The following DET1 variants were observed in gnomAD, a reference collection of about 807,000 sequenced individuals.
DET1 encodes the protein DET1 homolog.
DET1 carries 22 observed loss-of-function variants against 43.7 expected under a neutral mutation model. That is an observed-to-expected ratio of 0.50 (90% CI 0.36 to 0.72). The LOEUF (loss-of-function observed/expected upper bound fraction) is 0.72, where lower values mean the gene tolerates loss of function less well. DET1 is among the 30% of genes least tolerant of loss of function. DET1 has a pLI of 0.00. For synonymous variants in DET1, 315 were observed against 266.2 expected (o/e 1.18, Z -1.79); for missense variants, 713 against 713.3 (o/e 1.00, Z 0.00).
chr15:88,540,003 C>T (rs1364637468), intron 1 of DET1, among the ~76,000 whole-genome samples: 1 of 151,730 alleles, frequency 6.6e-6, no homozygotes, highest in East Asian at 1.9e-4. Context: ...TACTCTGTTC[C>T]CCTGTGGCTA....
At chr15:88,520,259 C>T (rs1263563088) in intron 3 of DET1, among the ~76,000 whole-genome samples, 1 of 152,062 alleles carries the variant, frequency 6.6e-6, no homozygotes, top group Non-Finnish European at 1.5e-5. Context: ...GCTAATGCAC[C>T]ACTTTTCAGC....
intron 1 of DET1, among the ~76,000 whole-genome samples, chr15:88,538,632 G>A (rs1047610435): frequency 2.6e-5 from 4 of 152,046 alleles, no homozygotes; most frequent in Non-Finnish European, 4.4e-5. Flanking sequence ...CTAACACCCC[G>A]GGTACAACAT....
rs1235137350 is a variant in DET1, at chr15:88,530,930, A to T, written c.776T>A (p.Phe259Tyr). The T allele has an allele frequency of 4.3e-6, 7 of 1,613,898 alleles. No individual in the cohort carries two copies. The highest frequency in any genetic ancestry group is 3.3e-5 in the Admixed American group (2 of 60,006). ...AGTGAGCAGGTCATCCTCATAGCAA[A>T]AGCGGCCAATGGTCCGCACATCAAT... ...TFIDVRTIGR[F>Y]CYEDDLLTVS... is the part of the protein sequence containing the mutation. Residue 259 changes from phenylalanine to tyrosine, a missense_variant, in exon 2 of 5, where the codon TTT becomes TAT. Transcript: ENST00000268148.
In DET1 at chr15:88,516,647, A is replaced by C. The variant is rs2056351868; in HGVS notation, c.1463+135T>G. 5 of 714,478 alleles carry C rather than the reference A, an allele frequency of 7.0e-6. No homozygotes were observed. The highest frequency in any genetic ancestry group is 1.1e-5 in the Non-Finnish European group (5 of 469,694). The allele number at this position is 714,478 out of a possible 1,614,324, so 44.3% of individuals were successfully genotyped here. A position where few individuals can be genotyped will look rare whatever the true frequency, so the allele number is the denominator to read the frequency against. On this transcript the variant is annotated intron_variant, in intron 4 of 4. Coordinates refer to ENST00000268148, the MANE Select transcript of DET1 (RefSeq NM_001144074.3). The surrounding 1 kb of genome is among the most constrained non-coding windows in gnomAD (Gnocchi z 4.4). ...GATCACAGCTCTCACTGCATTATAG[A>C]AATAGCCTGCCTTTTCAACCTTACC...
chr15:88,536,770 C>CAAAAAAAA (rs58177778), intron 1 of DET1, among the ~76,000 whole-genome samples: 6,398 of 47,178 alleles, frequency 0.14, 518 homozygotes, highest in African/African-American at 0.26. Context: ...GACTCCATCT[C>CAAAAAAAA]AAAAAAAAAA....
chr15:88,524,273 C>T lies in DET1; in HGVS notation c.1271+3326G>A, dbSNP rs568721376. 1.3e-4 allele frequency among the ~76,000 whole-genome samples: 20 copies of T among 151,350 alleles called. No homozygotes were observed. In the South Asian group the frequency reaches 3.1e-3, roughly 24 times the overall value. On this transcript the variant is annotated intron_variant, in intron 3 of 4. Coordinates refer to ENST00000268148, the MANE Select transcript of DET1 (RefSeq NM_001144074.3). ...CCATCTGAGAAGTGAGGAGCCCCTC[C>T]GCCTGGCAGCCGCCCCATCTGGGAA...
At chr15:88,522,512 G>GTTTTTTTGTTTTTTTT (rs2056520399) in intron 3 of DET1, among the ~76,000 whole-genome samples, 1 of 80,258 alleles carries the variant, frequency 1.2e-5, no homozygotes, top group South Asian at 5.8e-4. Flanking sequence ...AATGTTCCTG[G>GTTTTTTTGTTTTTTTT]TTTTTTTTTT....
At chr15:88,530,167 G>C (rs898350442) in intron 2 of DET1, among the ~76,000 whole-genome samples, 1 of 152,216 alleles carries the variant, frequency 6.6e-6, no homozygotes, top group Non-Finnish European at 1.5e-5. Context: ...TTACAGAGAA[G>C]TAAATTGACA....
chr15:88,519,819 A>T (rs774918824), intron 3 of DET1, among the ~76,000 whole-genome samples: 2 of 152,098 alleles, frequency 1.3e-5, no homozygotes, highest in Non-Finnish European at 2.9e-5. Context: ...CTTTAAACTT[A>T]TGGCCATGAA....
chr15:88,539,424 C>T (rs1417128702), intron 1 of DET1, among the ~76,000 whole-genome samples: 24 of 131,306 alleles, frequency 1.8e-4, no homozygotes, highest in Admixed American at 5.5e-4. Flanking sequence ...GATCCCATCA[C>T]GGGAGGGCCC....
At chr15:88,517,365 A>G (rs931449614) in intron 3 of DET1, among the ~76,000 whole-genome samples, 9 of 151,752 alleles carry the variant, frequency 5.9e-5, no homozygotes, top group African/African-American at 2.2e-4. Context: ...AGGTGGGACT[A>G]CAGGCACGTG....
At position 88,516,704 on chromosome 15, in the gene DET1, A is replaced by C. The variant is rs2056353448; in HGVS notation, c.1463+78T>G. The C allele has an allele frequency of 8.1e-7, 1 of 1,237,768 alleles. No individual in the cohort carries two copies. The highest frequency in any genetic ancestry group is 1.1e-6 in the Non-Finnish European group (1 of 928,562). 76.7% of individuals were successfully genotyped at this position (1,237,768 alleles called of 1,614,324 possible). On this transcript the variant is annotated intron_variant, in intron 4 of 4. Transcript: ENST00000268148. The surrounding 1 kb of genome is among the most constrained non-coding windows in gnomAD (Gnocchi z 4.4). ...TACGAGTCACAGTCACAATCAAATG[A>C]TGTCCAGAAAAAGAGAAAAAGAAAG...
intron 3 of DET1, among the ~76,000 whole-genome samples, chr15:88,524,352 C>A (rs979438092): frequency 2.7e-5 from 4 of 150,850 alleles, no homozygotes; most frequent in South Asian, 4.2e-4. Flanking sequence ...GGGGGCAGCC[C>A]CTGCCTGGCC....
intron 1 of DET1, among the ~76,000 whole-genome samples, chr15:88,538,326 C>T (rs1256137494): frequency 6.6e-6 from 1 of 150,734 alleles, no homozygotes; most frequent in African/African-American, 2.4e-5. Context: ...ATCCACAGTC[C>T]CCAAGAATTC....
rs184610704 is a variant in DET1, at chr15:88,544,331, G to C, written c.-11+2209C>G. Among the ~76,000 whole-genome samples, 321 of 152,322 alleles carry C rather than the reference G, an allele frequency of 2.1e-3. 6 individuals carry two copies. Among genetic ancestry groups the C allele is most frequent in the Admixed American group, 0.019 (295 of 15,308 alleles). ...AGTCTCCTTCCTTTAGCCCTACTTA[G>C]AGTAAGGTGCACCCTTTATCAGGCT... On this transcript the variant is annotated intron_variant, in intron 1 of 4. Coordinates refer to ENST00000268148, the MANE Select transcript of DET1 (RefSeq NM_001144074.3).
exon 8 of DET1, chr15:88,503,914 C>T (rs1567053680): frequency 1.3e-5 from 2 of 151,630 alleles, no homozygotes; most frequent in East Asian, 1.9e-4. Flanking sequence ...ACGGGAGGAT[C>T]GTTTGAGCCC....
At chr15:88,539,439 T>G (rs1255654528) in intron 1 of DET1, among the ~76,000 whole-genome samples, 1 of 134,452 alleles carries the variant, frequency 7.4e-6, no homozygotes, top group Non-Finnish European at 1.6e-5. Flanking sequence ...GGGCCCCCCC[T>G]TGTCTGTCTA....
chr15:88,509,452 G>C (rs2056174479), downstream of DET1, among the ~76,000 whole-genome samples: 1 of 152,238 alleles, frequency 6.6e-6, no homozygotes, highest in Admixed American at 6.5e-5. Flanking sequence ...TTTTAAGTCT[G>C]TGGTCATGAA....
intron 2 of DET1, among the ~76,000 whole-genome samples, chr15:88,530,280 A>C (rs1376920832): frequency 6.6e-6 from 1 of 152,222 alleles, no homozygotes; most frequent in Non-Finnish European, 1.5e-5. Context: ...CCAATAATAC[A>C]GTCTTACAAA....
Sources: allele counts gnomAD v4.1 joint callset (sites outside exome capture counted in the v4.1 genomes callset), GRCh38; gene constraint gnomAD v4.1.1; non-coding constraint Gnocchi (gnomAD v3.1); transcripts MANE v1.5; gene names NCBI Gene and HGNC (gene_info 2026-07-23, HGNC 2026-07-21).